Variants in FOXP2 observed in about 807,000 individuals in gnomAD.
FOXP2 encodes the protein forkhead box P2.
A neutral mutation model predicts 115.8 loss-of-function variants in FOXP2; 12 were observed. That is an observed-to-expected ratio of 0.10 (90% CI 0.07 to 0.17). The LOEUF (loss-of-function observed/expected upper bound fraction) is 0.17, where lower values mean the gene tolerates loss of function less well. FOXP2 is among the 10% of genes least tolerant of loss of function. The probability of loss-of-function intolerance (pLI) is 1.00; values close to 1 mark genes in which losing one functional copy is unlikely to be tolerated. For synonymous variants in FOXP2, 328 were observed against 297.7 expected, an observed-to-expected ratio of 1.10 and a Z score of -1.05; for missense variants, 629 against 843.5, an observed-to-expected ratio of 0.75 and a Z score of 3.15.
At chr7:114,099,665 T>C (rs1799732551) in intron 1 of FOXP2, among the ~76,000 whole-genome samples, 1 of 152,190 alleles carries the variant, frequency 6.6e-6, no homozygotes, top group South Asian at 2.1e-4. Context: ...TATTCAGTTT[T>C]CCTTTGGTTT....
At chr7:114,449,453 GC>G (rs1045256334) in intron 2 of FOXP2, among the ~76,000 whole-genome samples, 5 of 151,790 alleles carry the variant, frequency 3.3e-5, no homozygotes, top group Admixed American at 2.0e-4. Context: ...CACTCTCCCT[GC>G]CCCCAAAACA....
At chr7:114,590,011 A>C (rs373304004) in intron 3 of FOXP2, among the ~76,000 whole-genome samples, 1 of 152,120 alleles carries the variant, frequency 6.6e-6, no homozygotes, top group Non-Finnish European at 1.5e-5. Context: ...AGAACTCAAT[A>C]GTTCTGTAAT....
intron 1 of FOXP2, among the ~76,000 whole-genome samples, chr7:114,121,027 A>G (rs945522809): frequency 1.3e-5 from 2 of 152,058 alleles, no homozygotes; most frequent in Non-Finnish European, 2.9e-5. Context: ...GAGGTGAAGC[A>G]TATTTGGGGT....
At chr7:114,175,665 CTT>C (rs1367249976) in intron 1 of FOXP2, among the ~76,000 whole-genome samples, 2 of 152,092 alleles carry the variant, frequency 1.3e-5, no homozygotes, top group Non-Finnish European at 2.9e-5. Flanking sequence ...GACCTAACAT[CTT>C]TACCTAAAAT....
At chr7:114,265,500 A>G (rs755781882) in intron 1 of FOXP2, among the ~76,000 whole-genome samples, 1 of 152,102 alleles carries the variant, frequency 6.6e-6, no homozygotes, top group Non-Finnish European at 1.5e-5. Context: ...CAGGTTTTTG[A>G]GTGCGTGTGG....
chr7:114,386,411 A>C (rs574069141), intron 2 of FOXP2, among the ~76,000 whole-genome samples: 1 of 152,222 alleles, frequency 6.6e-6, no homozygotes, highest in Admixed American at 6.5e-5. Flanking sequence ...ATGTACTAAT[A>C]GTGTAATTTG....
chr7:114,515,846 T>C (rs891335447), intron 2 of FOXP2, among the ~76,000 whole-genome samples: 7 of 152,126 alleles, frequency 4.6e-5, no homozygotes, highest in African/African-American at 1.7e-4. Context: ...GGAATCCAAC[T>C]TACAAGGGAT....
In FOXP2 at chr7:114,221,742, A is replaced by C. The variant is rs556221630; in HGVS notation, c.-102+58654A>C. On this transcript the variant is annotated intron_variant, in intron 1 of 17. Coordinates refer to the FOXP2 transcript ENST00000634411. ...TCTAATTAAAGCATAATTTGTGTGC[A>C]TGATAATGAAGACTTTTAAACTGAA... is the stretch of plus-strand genomic sequence containing the variant. Among the ~76,000 whole-genome samples the C allele has an allele frequency of 1.1e-4, 17 of 152,310 alleles. No individual in the cohort carries two copies. The South Asian group carries it at 3.3e-3, about 30-fold the overall frequency.
intron 2 of FOXP2, among the ~76,000 whole-genome samples, chr7:114,341,721 A>G (rs145721259): frequency 7.9e-5 from 12 of 151,356 alleles, no homozygotes; most frequent in African/African-American, 2.9e-4. Flanking sequence ...TTCCTAACCT[A>G]AAGAAAGATA....
intron 2 of FOXP2, among the ~76,000 whole-genome samples, chr7:114,525,740 T>C (rs1798824838): frequency 6.6e-6 from 1 of 152,120 alleles, no homozygotes; most frequent in Non-Finnish European, 1.5e-5. Context: ...TCCCCATAAG[T>C]CTATCACCTA....
At chr7:114,103,198 A>C (rs962953666) in intron 1 of FOXP2, among the ~76,000 whole-genome samples, 1 of 152,048 alleles carries the variant, frequency 6.6e-6, no homozygotes, top group African/African-American at 2.4e-5. Flanking sequence ...GTCACAATCC[A>C]GAGGTATTTC....
At chr7:114,112,173 A>G (rs1480035432) in intron 1 of FOXP2, among the ~76,000 whole-genome samples, 1 of 152,136 alleles carries the variant, frequency 6.6e-6, no homozygotes, top group Non-Finnish European at 1.5e-5. Context: ...GTGCCTTTTA[A>G]ATCACCTTGA....
chr7:114,612,880 C>G (rs1039114319), intron 3 of FOXP2, among the ~76,000 whole-genome samples: 3 of 152,120 alleles, frequency 2.0e-5, no homozygotes, highest in Non-Finnish European at 4.4e-5. Context: ...AATCAGAATT[C>G]TTGCTTACTA....
chr7:114,086,495 C>T (rs1032139219), upstream of FOXP2: 15 of 350,576 alleles, frequency 4.3e-5, no homozygotes, highest in African/African-American at 1.8e-4. Context: ...CCGGGCGCGC[C>T]CCCCACTCGC....
chr7:114,636,238 T>G (rs571123436), intron 6 of FOXP2, among the ~76,000 whole-genome samples: 4 of 152,130 alleles, frequency 2.6e-5, no homozygotes, highest in Admixed American at 1.3e-4. Context: ...TCAAGGCTGG[T>G]AGGGAAGTTT....
chr7:114,144,514 C>G (rs1792310947), intron 1 of FOXP2, among the ~76,000 whole-genome samples: 1 of 152,082 alleles, frequency 6.6e-6, no homozygotes. Flanking sequence ...ATTTAAACCT[C>G]AAGCAGTTTG....
intron 3 of FOXP2, among the ~76,000 whole-genome samples, chr7:114,586,044 T>C (rs1368084902): frequency 2.0e-5 from 3 of 152,104 alleles, no homozygotes; most frequent in Non-Finnish European, 4.4e-5. Context: ...CAAAACTGTC[T>C]GCACAAACCA....
intron 1 of FOXP2, among the ~76,000 whole-genome samples, chr7:114,184,246 G>A (rs1793534672): frequency 6.6e-6 from 1 of 152,050 alleles, no homozygotes; most frequent in Non-Finnish European, 1.5e-5. Context: ...TTATTTGACA[G>A]CAACCTCCTA....
At chr7:114,544,013 T>A (rs2129282923) in intron 3 of FOXP2, among the ~76,000 whole-genome samples, 1 of 152,270 alleles carries the variant, frequency 6.6e-6, no homozygotes, top group South Asian at 2.1e-4. Context: ...TTTTTTCTTT[T>A]TCTTCTTCAT....
Sources: gnomAD v4.1 joint callset for allele counts (sites outside exome capture counted in the v4.1 genomes callset) on GRCh38, gnomAD v4.1.1 for gene constraint, MANE v1.5 for transcripts, NCBI Gene and HGNC (gene_info 2026-07-23, HGNC 2026-07-21) for gene names.